Variants in LRRK2 observed in about 807,000 individuals in gnomAD.
LRRK2 encodes the protein leucine-rich repeat serine/threonine-protein kinase 2.
Under a neutral mutation model 302.6 loss-of-function variants are expected in LRRK2, and 203 were observed. The ratio of observed to expected loss-of-function variants is 0.67; its 90% CI spans 0.60 to 0.75. The LOEUF is 0.75. Among genes scored for constraint, LRRK2 ranks in the 30% least tolerant of loss-of-function variants. LRRK2 has a pLI of 0.00. For synonymous variants in LRRK2, 1,066 were observed against 1,031.9 expected (o/e 1.03, Z -0.63); for missense variants, 2,830 against 2,951.0 (o/e 0.96, Z 0.95).
chr12:40,248,236 TGTGAA>T (rs1942095785), intron 7 of LRRK2, among the ~76,000 whole-genome samples: 3 of 152,218 alleles, frequency 2.0e-5, no homozygotes, highest in Non-Finnish European at 4.4e-5. Context: ...TACATTAAAA[TGTGAA>T]TTCACCTTAA....
chr12:40,307,090 A>G (rs887286928), intron 28 of LRRK2, among the ~76,000 whole-genome samples: 1 of 151,522 alleles, frequency 6.6e-6, no homozygotes, highest in African/African-American at 2.4e-5. Context: ...ATTTTTAAAC[A>G]TGTTTAACAT....
chr12:40,289,453 G>T (rs1403318501), intron 20 of LRRK2, among the ~76,000 whole-genome samples: 2 of 150,014 alleles, frequency 1.3e-5, no homozygotes, highest in African/African-American at 4.9e-5. Context: ...TTGTAATTAA[G>T]TCCATATTTA....
chr12:40,228,038 A>T (rs755053489), intron 2 of LRRK2: 4 of 152,188 alleles, frequency 2.6e-5, no homozygotes, highest in Middle Eastern at 3.2e-3. Flanking sequence ...CAGGGCTGCA[A>T]TAAACATGGG....
intron 6 of LRRK2, among the ~76,000 whole-genome samples, 188 bp from the exon 7 acceptor site, chr12:40,243,362 A>T (rs1319156412): frequency 1.3e-5 from 2 of 152,118 alleles, no homozygotes; most frequent in African/African-American, 4.8e-5. Context: ...GATTAGTCCT[A>T]CACCCCATTA....
At chr12:40,225,340 C>T (rs1294080488) in intron 1 of LRRK2, 58 bp downstream of exon 1, 5 of 1,592,912 alleles carry the variant, frequency 3.1e-6, no homozygotes, top group Non-Finnish European at 4.3e-6. Context: ...CCCCTCCTTA[C>T]ATTTGCAAAT....
intron 18 of LRRK2, among the ~76,000 whole-genome samples, chr12:40,280,230 C>T (rs965363587): frequency 4.6e-5 from 7 of 151,498 alleles, no homozygotes; most frequent in Non-Finnish European, 7.4e-5. Context: ...GTGGGAGGAT[C>T]ACTTGAGCCA....
chr12:40,240,691 A>ATAT, intron 6 of LRRK2, 74 bp downstream of exon 6: 1 of 1,403,558 alleles, frequency 7.1e-7, no homozygotes, highest in Non-Finnish European at 9.9e-7. Flanking sequence ...AGTATATTTT[A>ATAT]ACAATATTTT....
chr12:40,299,003 G>A, intron 24 of LRRK2, 106 bp from the exon 25 acceptor site: 1 of 1,033,680 alleles, frequency 9.7e-7, no homozygotes, highest in South Asian at 1.5e-5. Context: ...TTAAATTAAT[G>A]AGTCCTCTTT....
At chr12:40,334,165 G>A (rs561085289) in intron 39 of LRRK2, among the ~76,000 whole-genome samples, 1 of 152,286 alleles carries the variant, frequency 6.6e-6, no homozygotes, top group East Asian at 1.9e-4. Context: ...ATTAGTAGTG[G>A]CTATAGAGAA....
chr12:40,311,001 A>C (rs1945018585), intron 31 of LRRK2, among the ~76,000 whole-genome samples: 1 of 152,102 alleles, frequency 6.6e-6, no homozygotes, highest in Non-Finnish European at 1.5e-5. Context: ...GTGAATACTG[A>C]GGTCTTGGGA....
chr12:40,347,358 G>A (rs1368676559), intron 42 of LRRK2, among the ~76,000 whole-genome samples: 1 of 152,144 alleles, frequency 6.6e-6, no homozygotes, highest in African/African-American at 2.4e-5. Context: ...TGTTATCAAA[G>A]CTCATTTGGA....
chr12:40,334,728 A>G (rs1007154222), intron 39 of LRRK2, among the ~76,000 whole-genome samples: 4 of 152,122 alleles, frequency 2.6e-5, no homozygotes, highest in Non-Finnish European at 5.9e-5. Context: ...AAGAAAATTT[A>G]TGTATATGTG....
chr12:40,353,882 G>T (rs559295264), intron 44 of LRRK2, among the ~76,000 whole-genome samples: 1 of 152,354 alleles, frequency 6.6e-6, no homozygotes, highest in East Asian at 1.9e-4. Context: ...CACTCTGCAG[G>T]CTGAGGCAGG....
At chr12:40,359,905 A>G (rs769751955) in intron 47 of LRRK2, among the ~76,000 whole-genome samples, 1 of 152,172 alleles carries the variant, frequency 6.6e-6, no homozygotes, top group Non-Finnish European at 1.5e-5. Flanking sequence ...AATTATACAG[A>G]TGTCTACTCA....
At chr12:40,305,424 T>C (rs1269094322) in intron 27 of LRRK2, among the ~76,000 whole-genome samples, 1 of 152,160 alleles carries the variant, frequency 6.6e-6, no homozygotes, top group Non-Finnish European at 1.5e-5. Flanking sequence ...TTCTTGCCTT[T>C]ACTGAAGGAG....
intron 14 of LRRK2, 132 bp downstream of exon 14, chr12:40,264,033 G>A: frequency 1.5e-6 from 1 of 656,202 alleles, no homozygotes. Flanking sequence ...TGTGGTTAGA[G>A]ACATAAGATG....
intron 2 of LRRK2, among the ~76,000 whole-genome samples, chr12:40,231,807 A>ATG (rs1491210974): frequency 6.8e-6 from 1 of 146,854 alleles, no homozygotes; most frequent in African/African-American, 2.5e-5. Context: ...ATATATATAT[A>ATG]ATATATATAT....
chr12:40,342,076 C>T (rs915944251), intron 41 of LRRK2, among the ~76,000 whole-genome samples: 1 of 152,154 alleles, frequency 6.6e-6, no homozygotes, highest in African/African-American at 2.4e-5. Flanking sequence ...CTGCATCTCC[C>T]AACCCAGTCT....
intron 28 of LRRK2, 140 bp from the exon 29 acceptor site, chr12:40,308,327 A>C: frequency 3.1e-6 from 2 of 645,516 alleles, no homozygotes; most frequent in Non-Finnish European, 5.3e-6. Flanking sequence ...TCTGAAAGAC[A>C]TGTACATTAT....
Sources: allele counts gnomAD v4.1 joint callset (sites outside exome capture counted in the v4.1 genomes callset), GRCh38; gene constraint gnomAD v4.1.1; transcripts MANE v1.5; gene names NCBI Gene and HGNC (gene_info 2026-07-23, HGNC 2026-07-21).